B3GALT5: variants seen among roughly 807,000 people sequenced by gnomAD.
The protein encoded by B3GALT5 is UDP-Gal:betaGlcNAc beta 1,3-galactosyltransferase, polypeptide 5.
For missense variants in B3GALT5, 328 were observed against 396.6 expected (o/e 0.83, Z 1.47); for synonymous variants, 156 against 158.6 (o/e 0.98, Z 0.12).
At chr21:39,623,003 T>C (rs1226252193) in intron 1 of B3GALT5, among the ~76,000 whole-genome samples, 2 of 152,188 alleles carry the variant, frequency 1.3e-5, no homozygotes, top group Admixed American at 1.3e-4. Context: ...ACTAACAACC[T>C]TGTTCCCTTA....
intron 2 of B3GALT5, among the ~76,000 whole-genome samples, chr21:39,657,096 G>A (rs781404858): frequency 6.6e-6 from 1 of 152,238 alleles, no homozygotes; most frequent in African/African-American, 2.4e-5. Flanking sequence ...ATCTCCTTCA[G>A]TTCCAAGGTT....
At chr21:39,613,867 G>A (rs1235771438) in intron 1 of B3GALT5, among the ~76,000 whole-genome samples, 1 of 152,198 alleles carries the variant, frequency 6.6e-6, no homozygotes, top group Non-Finnish European at 1.5e-5. Context: ...TTTTTCACTG[G>A]TCCTTTATGT....
At chr21:39,650,340 G>A (rs1052860174) in intron 2 of B3GALT5, among the ~76,000 whole-genome samples, 1 of 152,186 alleles carries the variant, frequency 6.6e-6, no homozygotes, top group Non-Finnish European at 1.5e-5. Context: ...TTCCAACAGG[G>A]CGTGTTCCTG....
chr21:39,661,479 G>A lies in B3GALT5; in HGVS notation c.920G>A (p.Cys307Tyr). The change falls in exon 4 of 4, where the codon TGT (cysteine) becomes TAT (tyrosine). Residue 307 changes from cysteine (C) to tyrosine (Y), a missense_variant. Cys to Tyr is a radical substitution (Grantham distance 194, BLOSUM62 -2). Coordinates refer to ENST00000684187, the MANE Select transcript of B3GALT5 (RefSeq NM_001356336.2). The surrounding 1 kb of genome is among the most constrained non-coding windows in gnomAD (Gnocchi z 4.7). ...QALENSRGED[C>Y]PPV Reference sequence around the variant, plus strand: ...CTAGAGAATTCCCGGGGGGAAGATTGTCCGCCTGTCTGAGGGGAGCCCAGA... The same window carrying A: ...CTAGAGAATTCCCGGGGGGAAGATTATCCGCCTGTCTGAGGGGAGCCCAGA... 1 of 1,508,696 alleles carries A rather than the reference G, an allele frequency of 6.6e-7. No individual in the cohort carries two copies. Among genetic ancestry groups the A allele is most frequent in the Non-Finnish European group, 8.8e-7 (1 of 1,129,962 alleles). 93.5% of individuals were successfully genotyped at this position (1,508,696 alleles called of 1,614,324 possible).
At chr21:39,650,563 G>A (rs1350670270) in intron 2 of B3GALT5, among the ~76,000 whole-genome samples, 2 of 152,098 alleles carry the variant, frequency 1.3e-5, no homozygotes, top group African/African-American at 2.4e-5. Context: ...CCCTGGGTGG[G>A]GACGCTTGAA....
chr21:39,639,416 C>CTT (rs1409124172), intron 1 of B3GALT5, among the ~76,000 whole-genome samples: 5 of 97,910 alleles, frequency 5.1e-5, no homozygotes, highest in South Asian at 3.0e-4. Context: ...TTCTTTCTTT[C>CTT]TTTCTTTCTT....
chr21:39,617,919 C>T (rs1362300813), intron 1 of B3GALT5, among the ~76,000 whole-genome samples: 1 of 152,038 alleles, frequency 6.6e-6, no homozygotes, highest in Non-Finnish European at 1.5e-5. Flanking sequence ...GGGAGGATCT[C>T]TTGAGCCCAA....
chr21:39,629,046 C>T (rs1234298265), intron 1 of B3GALT5, among the ~76,000 whole-genome samples: 1 of 151,970 alleles, frequency 6.6e-6, no homozygotes, highest in African/African-American at 2.4e-5. Context: ...GAGTCTCGCT[C>T]TGTCGCCCAG....
At chr21:39,639,462 T>TTCTTTCTCTCTC (rs2079271284) in intron 1 of B3GALT5, among the ~76,000 whole-genome samples, 3 of 132,486 alleles carry the variant, frequency 2.3e-5, no homozygotes, top group African/African-American at 9.2e-5. Flanking sequence ...CTTTTTTTCT[T>TTCTTTCTCTCTC]TCTCTCTCTC....
intron 2 of B3GALT5, among the ~76,000 whole-genome samples, chr21:39,649,710 C>G (rs1305337527): frequency 6.6e-6 from 1 of 152,036 alleles, no homozygotes; most frequent in Non-Finnish European, 1.5e-5. Flanking sequence ...ACCAGGGTGA[C>G]CAGACATCAA....
At chr21:39,621,581 A>AT (rs2079134502) in intron 1 of B3GALT5, among the ~76,000 whole-genome samples, 1 of 151,750 alleles carries the variant, frequency 6.6e-6, no homozygotes, top group Non-Finnish European at 1.5e-5. Flanking sequence ...TGACAGATTC[A>AT]TTGTTTATTT....
In B3GALT5 at chr21:39,663,825, T is replaced by G. The variant is rs2146226504; in HGVS notation, c.*2333T>G. Reference sequence around the variant, plus strand: ...AAGGAGGGTTCCAGCTCAGCGTGGGTTTCCTGGTGCTGTCTTGTCTGGATG... The same window carrying G: ...AAGGAGGGTTCCAGCTCAGCGTGGGGTTCCTGGTGCTGTCTTGTCTGGATG... On this transcript the variant is annotated 3_prime_UTR_variant, in exon 4 of 4. Transcript: ENST00000684187. 6.6e-6 allele frequency: 1 copy of G among 152,254 alleles called. No homozygotes were observed. The highest frequency in any genetic ancestry group is 2.4e-5 in the African/African-American group (1 of 41,490). 9.4% of individuals were successfully genotyped at this position (152,254 alleles called of 1,614,324 possible). A position where few individuals can be genotyped will look rare whatever the true frequency, so the allele number is the denominator to read the frequency against.
At chr21:39,629,587 A>C (rs2079181531) in intron 1 of B3GALT5, among the ~76,000 whole-genome samples, 2 of 152,140 alleles carry the variant, frequency 1.3e-5, no homozygotes. Context: ...TTGAGAGCTT[A>C]GTCTTTTTCT....
intron 1 of B3GALT5, among the ~76,000 whole-genome samples, chr21:39,645,947 G>A (rs1276947540): frequency 1.2e-4 from 18 of 150,786 alleles, no homozygotes; most frequent in Admixed American, 1.1e-3. Flanking sequence ...CACTGATCCC[G>A]CAGCCGCCCT....
chr21:39,639,417 T>C (rs1417211568), intron 1 of B3GALT5, among the ~76,000 whole-genome samples: 2 of 106,940 alleles, frequency 1.9e-5, no homozygotes, highest in African/African-American at 3.6e-5. Flanking sequence ...TCTTTCTTTC[T>C]TTCTTTCTTT....
At chr21:39,614,524 G>A (rs1014311419) in intron 1 of B3GALT5, among the ~76,000 whole-genome samples, 1 of 152,188 alleles carries the variant, frequency 6.6e-6, no homozygotes, top group Non-Finnish European at 1.5e-5. Context: ...CCCTTCTTTT[G>A]TAGGATTTCT....
intron 2 of B3GALT5, among the ~76,000 whole-genome samples, chr21:39,647,458 T>A (rs1370356418): frequency 6.6e-6 from 1 of 152,090 alleles, no homozygotes; most frequent in African/African-American, 2.4e-5. Flanking sequence ...CGGGCCTCAG[T>A]CTCCTGAGTG....
chr21:39,661,720 A>T lies in B3GALT5; in HGVS notation c.*228A>T, dbSNP rs1004146734. 9.3e-6 allele frequency: 4 copies of T among 428,476 alleles called. No homozygotes were observed. The highest frequency in any genetic ancestry group is 8.1e-5 in the African/African-American group (4 of 49,334). 26.5% of individuals were successfully genotyped at this position (428,476 alleles called of 1,614,324 possible). A position where few individuals can be genotyped will look rare whatever the true frequency, so the allele number is the denominator to read the frequency against. On this transcript the variant is annotated 3_prime_UTR_variant, in exon 4 of 4. Coordinates refer to ENST00000684187, the MANE Select transcript of B3GALT5 (RefSeq NM_001356336.2). This position sits in a 1 kb window ranked among gnomAD's most constrained non-coding sequence, Gnocchi z 4.7. ...TCTTCATACTAAGTGTTTGACATAC[A>T]CCTGGATTTTTGCATTTCAGGGGTC...
rs2079554586 is a variant in B3GALT5, at chr21:39,663,995, A to T, written c.*2503A>T. On this transcript the variant is annotated 3_prime_UTR_variant, in exon 4 of 4. Transcript: ENST00000684187. The stretch of plus-strand genomic sequence containing the variant: ...CACCGCAGGCACCCAGAGAGGAAGG[A>T]TTCCGATGGGCAGGTGCTGAGCTAG... 1 of 152,454 alleles carries T rather than the reference A, an allele frequency of 6.6e-6. No homozygotes were observed. Among genetic ancestry groups the T allele is most frequent in the Admixed American group, 6.5e-5 (1 of 15,286 alleles). The allele number at this position is 152,454 out of a possible 1,614,324, so 9.4% of individuals were successfully genotyped here. A position where few individuals can be genotyped will look rare whatever the true frequency, so the allele number is the denominator to read the frequency against.
Sources: gnomAD v4.1 joint callset for allele counts (sites outside exome capture counted in the v4.1 genomes callset) on GRCh38, gnomAD v4.1.1 for gene constraint, Gnocchi (gnomAD v3.1) non-coding constraint, MANE v1.5 for transcripts, NCBI Gene and HGNC (gene_info 2026-07-23, HGNC 2026-07-21) for gene names.